MYO15A: variants seen among roughly 807,000 people sequenced by gnomAD.
MYO15A encodes myosin XVA.
Under a neutral mutation model 394.6 loss-of-function variants are expected in MYO15A, and 308 were observed. That is an observed-to-expected ratio of 0.78 (90% confidence interval 0.71 to 0.86). MYO15A has a LOEUF of 0.86. Among genes scored for constraint, MYO15A ranks in the 40% least tolerant of loss-of-function variants. The pLI is 0.00. For synonymous variants in MYO15A, 1,957 were observed against 2,003.8 expected (o/e 0.98, Z 0.62); for missense variants, 4,606 against 4,799.1 (o/e 0.96, Z 1.19).
intron 62 of MYO15A, chr17:18,169,635 T>A (rs2046910757): frequency 6.6e-6 from 1 of 152,040 alleles, no homozygotes; most frequent in South Asian, 2.1e-4. Flanking sequence ...AGACTCCGTC[T>A]CAAAAACAAA....
intron 18 of MYO15A, 42 bp from the exon 19 acceptor site, chr17:18,139,492 G>A (rs1437390615): frequency 1.3e-6 from 2 of 1,597,768 alleles, no homozygotes; most frequent in Non-Finnish European, 1.7e-6. Flanking sequence ...TAGACAGAGA[G>A]ACAGAGGCCA....
rs749541790 is a variant in MYO15A at position 18,120,702 on chromosome 17, C to T, written c.1902C>T (p.Arg634=). 2.0e-6 allele frequency: 3 copies of T among 1,536,160 alleles called. No homozygotes were observed. Among genetic ancestry groups the T allele is most frequent in the Middle Eastern group, 2.0e-4 (1 of 4,990 alleles). The change falls in exon 2 of 66, where the codon CGC becomes CGT. Residue 634 remains arginine, a synonymous_variant. Transcript: ENST00000647165. The part of the protein sequence containing the change: ...TPIVLRRAQP[R]ARSSNDARRP... ...TCGTGCTGAGGAGGGCCCAGCCACG[C>T]GCTCGCAGCAGCAACGACGCGCGCC... is the stretch of plus-strand genomic sequence containing the variant.
rs368139459 is a variant in MYO15A, at chr17:18,154,972, T to C, written c.8225-138T>C. 8.3e-5 allele frequency: 81 copies of C among 976,294 alleles called. No homozygotes were observed. In the African/African-American group the frequency reaches 1.2e-3, roughly 15 times the overall value. The allele number at this position is 976,294 out of a possible 1,614,324, so 60.5% of individuals were successfully genotyped here. A position where few individuals can be genotyped will look rare whatever the true frequency, so the allele number is the denominator to read the frequency against. On this transcript the variant is annotated intron_variant, in intron 45 of 65. Coordinates refer to ENST00000647165, the MANE Select transcript of MYO15A (RefSeq NM_016239.4). ...GTGTCCTGGCCATCTCATCCATTTC[T>C]GGGTTTCAGTTTTCTAGTATAGACA...
chr17:18,155,065 C>T (rs754918173), intron 45 of MYO15A, 45 bp from the exon 46 acceptor site: 6 of 1,570,168 alleles, frequency 3.8e-6, no homozygotes, highest in Non-Finnish European at 5.2e-6. Flanking sequence ...TGGGGGTTGC[C>T]AGGGGAGTGG....
intron 15 of MYO15A, 55 bp downstream of exon 15, chr17:18,136,741 C>A (rs1006473769): frequency 6.5e-7 from 1 of 1,536,120 alleles, no homozygotes; most frequent in East Asian, 2.4e-5. Flanking sequence ...TCTCGCCTCC[C>A]TCAGGCGTCT....
chr17:18,144,041 C>A, intron 28 of MYO15A, 41 bp downstream of exon 28: 1 of 1,612,172 alleles, frequency 6.2e-7, no homozygotes, highest in Non-Finnish European at 8.5e-7. Flanking sequence ...GGCTGATAGG[C>A]GCTGACCAAT....
In MYO15A at chr17:18,142,824, G is replaced by A. The variant is rs139347804; in HGVS notation, c.5894G>A (p.Arg1965His). ...TCCCTGGTACACGCATACGTGAGCCGCCGACGCTATCTCAAGGTATAGGCC... is the reference window on the plus strand; with the variant it reads ...TCCCTGGTACACGCATACGTGAGCCACCGACGCTATCTCAAGGTATAGGCC... ...FRSLVHAYVS[R>H]RRYLKLRAEW... The change falls in exon 25 of 66, where the codon CGC (arginine) becomes CAC (histidine). Residue 1965 changes from arginine (R) to histidine (H), a missense_variant. Physicochemically the swap from Arg to His is conservative, Grantham distance 29 (BLOSUM62 0). This residue lies in a region of MYO15A where 2,776 missense variants were observed against 3,109.3 expected (regional missense o/e 0.89). Coordinates refer to ENST00000647165, the MANE Select transcript of MYO15A (RefSeq NM_016239.4). 9,151 of 1,612,588 alleles carry A rather than the reference G, an allele frequency of 5.7e-3. 35 individuals are homozygous for A. Among genetic ancestry groups the A allele is most frequent in the Non-Finnish European group, 6.8e-3 (8,032 of 1,179,444 alleles).
chr17:18,137,725 G>A (rs762683882), intron 16 of MYO15A, 46 bp downstream of exon 16: 16 of 1,584,308 alleles, frequency 1.0e-5, no homozygotes, highest in Non-Finnish European at 1.3e-5. Flanking sequence ...TGACTGGCCA[G>A]TGGACCTCCT....
At chr17:18,163,968 AT>A (rs1365899042) in intron 60 of MYO15A, 130 bp downstream of exon 60, 1 of 858,476 alleles carries the variant, frequency 1.2e-6, no homozygotes, top group Non-Finnish European at 1.9e-6. Flanking sequence ...CTTGACCCCC[AT>A]GTGGAAGGAT....
In MYO15A at chr17:18,150,436, A is replaced by G; in HGVS notation, c.7220A>G (p.Glu2407Gly). The change falls in exon 36 of 66, where the codon GAG (glutamate) becomes GGG (glycine). Residue 2407 changes from glutamate (E) to glycine (G), a missense_variant. Glu to Gly is a moderately conservative substitution (Grantham distance 98). This residue lies in a region of MYO15A where 2,776 missense variants were observed against 3,109.3 expected (regional missense o/e 0.89). Transcript: ENST00000647165. The surrounding 1 kb of genome is among the most constrained non-coding windows in gnomAD (Gnocchi z 4.4). ...PVLSYGDADLEKPTAIAYRMK... is the reference protein window; with the variant it reads ...PVLSYGDADLGKPTAIAYRMK... ...GCCACCCACTGCCCCCAGGACCTGG[A>G]GAAGCCAACAGCCATTGCCTACCGC... 2 of 1,614,030 alleles carry G rather than the reference A, an allele frequency of 1.2e-6. No homozygotes were observed. The highest frequency in any genetic ancestry group is 1.7e-6 in the Non-Finnish European group (2 of 1,179,930).
At chr17:18,133,183 C>T (rs755180744) in intron 11 of MYO15A, 42 bp from the exon 12 acceptor site, 2 of 1,608,162 alleles carry the variant, frequency 1.2e-6, no homozygotes, top group African/African-American at 2.7e-5. Context: ...GCTCCCCAGC[C>T]CCACCCAAGC....
In MYO15A at chr17:18,135,777, C is replaced by T. The variant is rs776173660; in HGVS notation, c.4549C>T (p.Gln1517Ter). The change falls in exon 13 of 66, where the codon CAG becomes TAG. Residue 1517 changes from glutamine (Q) to a stop codon, truncating the protein, a stop_gained. Coordinates refer to ENST00000647165, the MANE Select transcript of MYO15A (RefSeq NM_016239.4). LOFTEE classifies it high-confidence loss of function. ...GATCCAGGCCGTGGCAGAGCTGCTGCAGATCTCCCCTGAGGGCCTGCAGAA... is the reference window on the plus strand; with the variant it reads ...GATCCAGGCCGTGGCAGAGCTGCTGTAGATCTCCCCTGAGGGCCTGCAGAA... ...REIQAVAELL[Q>*]ISPEGLQKAI... 3.7e-6 allele frequency: 6 copies of T among 1,614,028 alleles called. No homozygotes were observed. The highest frequency in any genetic ancestry group is 5.1e-6 in the Non-Finnish European group (6 of 1,180,040).
chr17:18,127,241 C>A, intron 7 of MYO15A, 76 bp downstream of exon 7: 1 of 1,538,960 alleles, frequency 6.5e-7, no homozygotes, highest in Non-Finnish European at 8.9e-7. Context: ...CCCGAAGAGG[C>A]AAGGCTCCTT....
chr17:18,120,774 C>A lies in MYO15A; in HGVS notation c.1974C>A (p.Ser658Arg). Residue 658 changes from serine (S) to arginine (R), a missense_variant, in exon 2 of 66, where the codon AGC becomes AGA. Transcript: ENST00000647165. ...CGCCCAGGACCCTCTCCCACTGGAG[C>A]GCGCTCCTGTCTCCGCCCGTGCCCC... ...QPAPRTLSHW[S>R]ALLSPPVPPR... 2.4e-5 allele frequency: 34 copies of A among 1,426,308 alleles called. No homozygotes were observed. Among genetic ancestry groups the A allele is most frequent in the Non-Finnish European group, 3.1e-5 (34 of 1,099,494 alleles). 88.4% of individuals were successfully genotyped at this position (1,426,308 alleles called of 1,614,324 possible). A position where few individuals can be genotyped will look rare whatever the true frequency, so the allele number is the denominator to read the frequency against.
chr17:18,178,322 A>G, intron 65 of MYO15A: 1 of 283,898 alleles, frequency 3.5e-6, no homozygotes, highest in East Asian at 8.4e-5. Context: ...GTGAGCCGAG[A>G]TCGCGCCATT....
intron 3 of MYO15A, 162 bp from the exon 4 acceptor site, chr17:18,125,006 G>A: frequency 1.4e-6 from 1 of 724,340 alleles, no homozygotes. Flanking sequence ...AAAAGGCACA[G>A]AATAGGGAAG....
Position 18,171,865 on chromosome 17 carries a change from CA to C in MYO15A, c.10216+97del, listed in dbSNP as rs924487003. 8.6e-6 allele frequency: 13 copies of C among 1,508,382 alleles called. No individual in the cohort carries two copies. The African/African-American group carries it at 1.5e-4, about 18-fold the overall frequency. The allele number at this position is 1,508,382 out of a possible 1,614,324, so 93.4% of individuals were successfully genotyped here. On this transcript the variant is annotated intron_variant, in intron 63 of 65. Coordinates refer to ENST00000647165, the MANE Select transcript of MYO15A (RefSeq NM_016239.4). ...GTATGGAGGCACCTCTTTCTTTGCA[CA>C]AAGGCATTTTTCAGTGCCAGTCAAG...
intron 62 of MYO15A, among the ~76,000 whole-genome samples, chr17:18,170,177 A>G (rs973927216): frequency 6.6e-6 from 1 of 151,978 alleles, no homozygotes; most frequent in African/African-American, 2.4e-5. Context: ...ACAAGAGAGA[A>G]AATGACAAGT....
chr17:18,158,457 G>A (rs1365614586), intron 51 of MYO15A, 66 bp from the exon 52 acceptor site: 1 of 1,466,728 alleles, frequency 6.8e-7, no homozygotes, highest in Admixed American at 1.7e-5. Context: ...TGCGTTGTCA[G>A]TTTTGACCGA....
Sources: allele counts gnomAD v4.1 joint callset (sites outside exome capture counted in the v4.1 genomes callset), GRCh38; gene constraint gnomAD v4.1.1; regional missense constraint gnomAD v4.1.1; non-coding constraint Gnocchi (gnomAD v3.1); transcripts MANE v1.5; gene names NCBI Gene and HGNC (gene_info 2026-07-23, HGNC 2026-07-21).